STAG1: variants seen among roughly 807,000 people sequenced by gnomAD.
STAG1 encodes the protein STAG1 cohesin complex component.
A neutral mutation model predicts 170.9 loss-of-function variants in STAG1; 26 were observed. The observed-to-expected ratio is 0.15, with a 90% CI of 0.11 to 0.21. The LOEUF (loss-of-function observed/expected upper bound fraction) is 0.21. Ranked by LOEUF, STAG1 falls within the 10% of genes least tolerant of loss-of-function variation. STAG1 has a pLI of 1.00. For synonymous variants in STAG1, 514 were observed against 497.7 expected, an observed-to-expected ratio of 1.03 and a Z score of -0.44; for missense variants, 964 against 1,509.5, an observed-to-expected ratio of 0.64 and a Z score of 5.99.
At chr3:136,745,876 T>C (rs1576843508) in intron 1 of STAG1, among the ~76,000 whole-genome samples, 1 of 152,212 alleles carries the variant, frequency 6.6e-6, no homozygotes, top group African/African-American at 2.4e-5. Flanking sequence ...AAAAAGTTTA[T>C]GAAATTTGTG....
At chr3:136,424,054 G>A (rs1229876776) in intron 16 of STAG1, among the ~76,000 whole-genome samples, 3 of 151,714 alleles carry the variant, frequency 2.0e-5, no homozygotes, top group Non-Finnish European at 4.4e-5. Context: ...GTAGAGATGG[G>A]GTTTCACCAC....
chr3:136,357,899 C>CA, intron 27 of STAG1, 51 bp from the exon 28 acceptor site: 2 of 1,452,818 alleles, frequency 1.4e-6, no homozygotes, highest in East Asian at 2.3e-5. Flanking sequence ...GTAATTCTCT[C>CA]AATTAGCTAA....
intron 1 of STAG1, among the ~76,000 whole-genome samples, chr3:136,700,926 G>T (rs1357671410): frequency 1.5e-5 from 2 of 132,020 alleles, no homozygotes; most frequent in Non-Finnish European, 3.1e-5. Context: ...CTGTCACCCA[G>T]GCTGGAGTGC....
At chr3:136,529,240 T>A (rs966802965) in intron 6 of STAG1, among the ~76,000 whole-genome samples, 5 of 152,032 alleles carry the variant, frequency 3.3e-5, no homozygotes, top group African/African-American at 4.8e-5. Flanking sequence ...ACCTACTTAA[T>A]AAAATAATAG....
intron 26 of STAG1, among the ~76,000 whole-genome samples, chr3:136,359,538 C>G (rs112803818): frequency 6.6e-6 from 1 of 152,194 alleles, no homozygotes; most frequent in East Asian, 1.9e-4. Context: ...AATAAAAAAA[C>G]ACATTCTTTT....
At chr3:136,544,366 A>G (rs1936048955) in intron 5 of STAG1, among the ~76,000 whole-genome samples, 1 of 152,130 alleles carries the variant, frequency 6.6e-6, no homozygotes, top group African/African-American at 2.4e-5. Context: ...CATCCCTCCA[A>G]CTAGGTACAC....
At chr3:136,723,259 C>T (rs1180138367) in intron 1 of STAG1, among the ~76,000 whole-genome samples, 3 of 151,818 alleles carry the variant, frequency 2.0e-5, no homozygotes, top group Non-Finnish European at 2.9e-5. Flanking sequence ...GCGCCTCTTC[C>T]CGGCCGCCAT....
chr3:136,537,645 C>T (rs765430762), intron 6 of STAG1, among the ~76,000 whole-genome samples: 14 of 151,976 alleles, frequency 9.2e-5, no homozygotes, highest in Non-Finnish European at 1.9e-4. Context: ...GGATTACAGG[C>T]ATGTACCACC....
chr3:136,357,581 A>G (rs764740553), intron 28 of STAG1, 139 bp downstream of exon 28: 12 of 614,710 alleles, frequency 2.0e-5, no homozygotes, highest in Non-Finnish European at 3.2e-5. Context: ...TTGAAGGAAA[A>G]CTATAATTCC....
intron 1 of STAG1, among the ~76,000 whole-genome samples, chr3:136,686,376 G>C (rs561880174): frequency 6.6e-6 from 1 of 152,306 alleles, no homozygotes; most frequent in Middle Eastern, 3.4e-3. Flanking sequence ...ACATCAGGGA[G>C]AAAATATGAC....
intron 6 of STAG1, among the ~76,000 whole-genome samples, chr3:136,527,238 T>C (rs1054142139): frequency 6.6e-6 from 1 of 152,188 alleles, no homozygotes; most frequent in Admixed American, 6.5e-5. Flanking sequence ...ACCAATCAGA[T>C]GTAGATTTGG....
intron 13 of STAG1, among the ~76,000 whole-genome samples, chr3:136,460,071 T>C (rs1038932481): frequency 2.0e-5 from 3 of 151,884 alleles, no homozygotes; most frequent in African/African-American, 7.3e-5. Flanking sequence ...AAAAGACCAA[T>C]GAAACCACAA....
chr3:136,347,395 CA>C (rs34533734), intron 29 of STAG1, among the ~76,000 whole-genome samples: 26,163 of 77,890 alleles, frequency 0.34, 1,746 homozygotes, highest in East Asian at 0.55. Flanking sequence ...GATCCTGTCT[CA>C]AAAAAAAAAA....
intron 5 of STAG1, among the ~76,000 whole-genome samples, chr3:136,561,418 TG>T (rs1936836392): frequency 6.6e-6 from 1 of 152,254 alleles, no homozygotes; most frequent in Non-Finnish European, 1.5e-5. Flanking sequence ...CTTGATGCAC[TG>T]GAAATTTATC....
intron 14 of STAG1, among the ~76,000 whole-genome samples, chr3:136,448,963 T>C (rs1262430427): frequency 6.6e-6 from 1 of 152,000 alleles, no homozygotes; most frequent in Admixed American, 6.6e-5. Flanking sequence ...ATTTCTAAAG[T>C]CTCTTTAAAT....
At chr3:136,604,775 C>G (rs1938855397) in intron 3 of STAG1, among the ~76,000 whole-genome samples, 1 of 152,212 alleles carries the variant, frequency 6.6e-6, no homozygotes, top group Admixed American at 6.5e-5. Flanking sequence ...CTCAGCCTCC[C>G]GAGTAGCTGA....
intron 1 of STAG1, among the ~76,000 whole-genome samples, chr3:136,668,663 C>T (rs1941890729): frequency 6.6e-6 from 1 of 151,982 alleles, no homozygotes; most frequent in African/African-American, 2.4e-5. Context: ...TCTGATCTGC[C>T]AGCCCAGCAG....
intron 28 of STAG1, among the ~76,000 whole-genome samples, chr3:136,353,227 C>T (rs775499656): frequency 2.6e-5 from 4 of 152,040 alleles, no homozygotes; most frequent in African/African-American, 4.8e-5. Flanking sequence ...TATGGGATAC[C>T]ATTAAATATA....
chr3:136,527,061 A>T (rs996752399), intron 6 of STAG1, among the ~76,000 whole-genome samples: 2 of 152,114 alleles, frequency 1.3e-5, no homozygotes, highest in African/African-American at 4.8e-5. Flanking sequence ...GAATCTGACA[A>T]TTATGTGTCT....
Sources: allele counts gnomAD v4.1 joint callset (sites outside exome capture counted in the v4.1 genomes callset), GRCh38; gene constraint gnomAD v4.1.1; transcripts MANE v1.5; gene names NCBI Gene and HGNC (gene_info 2026-07-23, HGNC 2026-07-21).